The following UNC5D variants were observed in gnomAD, a reference collection of about 807,000 sequenced individuals.
The protein encoded by UNC5D is netrin receptor UNC5D.
Under a neutral mutation model 105.4 loss-of-function variants are expected in UNC5D, and 39 were observed. The observed-to-expected ratio is 0.37, with a 90% CI of 0.29 to 0.48. UNC5D has a LOEUF of 0.48. UNC5D is among the 20% of genes least tolerant of loss of function. The pLI is 0.98. For missense variants in UNC5D, 991 were observed against 1,202.4 expected, an observed-to-expected ratio of 0.82 and a Z score of 2.60; for synonymous variants, 452 against 450.4, an observed-to-expected ratio of 1.00 and a Z score of -0.04.
At chr8:35,356,351 G>A (rs1424101623) in intron 1 of UNC5D, among the ~76,000 whole-genome samples, 1 of 151,994 alleles carries the variant, frequency 6.6e-6, no homozygotes, top group African/African-American at 2.4e-5. Context: ...ATCTTTTGGG[G>A]ATACATTCTA....
intron 4 of UNC5D, among the ~76,000 whole-genome samples, chr8:35,606,949 C>T (rs1335258192): frequency 6.6e-6 from 1 of 152,122 alleles, no homozygotes; most frequent in African/African-American, 2.4e-5. Context: ...CCCATCTGTT[C>T]AGTTATTTAG....
intron 1 of UNC5D, among the ~76,000 whole-genome samples, chr8:35,367,468 T>C (rs776418454): frequency 1.3e-5 from 2 of 152,182 alleles, no homozygotes; most frequent in Non-Finnish European, 2.9e-5. Flanking sequence ...TGAATCATGT[T>C]GGGGACTAGT....
intron 3 of UNC5D, among the ~76,000 whole-genome samples, chr8:35,595,105 C>G (rs936772890): frequency 6.6e-6 from 1 of 152,134 alleles, no homozygotes; most frequent in African/African-American, 2.4e-5. Context: ...CTAGAGCCCC[C>G]TAGAGGGTTA....
chr8:35,476,335 A>G (rs550549359), intron 1 of UNC5D, among the ~76,000 whole-genome samples: 22 of 152,334 alleles, frequency 1.4e-4, no homozygotes, highest in African/African-American at 5.3e-4. Context: ...GAGGTCAACT[A>G]GACACTTCCC....
chr8:35,375,192 AAGGTGAAGAAAGAAAGCTTTATGAGT>A (rs1802630430), intron 1 of UNC5D, among the ~76,000 whole-genome samples: 1 of 152,184 alleles, frequency 6.6e-6, no homozygotes, highest in African/African-American at 2.4e-5. Context: ...GTTGCGTTGA[AAGGTGAAGAAAGAAAGCTTTATGAGT>A]TTTCTCTCTG....
At chr8:35,278,773 A>G (rs1266254504) in intron 1 of UNC5D, among the ~76,000 whole-genome samples, 8 of 152,104 alleles carry the variant, frequency 5.3e-5, no homozygotes, top group Admixed American at 5.2e-4. Flanking sequence ...TCCAGAACCC[A>G]GTACAGCATT....
chr8:35,450,334 G>A (rs1808061491), intron 1 of UNC5D, among the ~76,000 whole-genome samples: 1 of 152,084 alleles, frequency 6.6e-6, no homozygotes, highest in Non-Finnish European at 1.5e-5. Flanking sequence ...TATCAATACG[G>A]AGAATAATCC....
chr8:35,432,611 T>C (rs1806718669), intron 1 of UNC5D, among the ~76,000 whole-genome samples: 2 of 152,178 alleles, frequency 1.3e-5, no homozygotes, highest in Non-Finnish European at 2.9e-5. Context: ...ATGCAACTAA[T>C]GTTTTATGCT....
At chr8:35,670,755 T>C (rs1824736075) in intron 4 of UNC5D, among the ~76,000 whole-genome samples, 1 of 151,194 alleles carries the variant, frequency 6.6e-6, no homozygotes, top group Admixed American at 6.6e-5. Context: ...AAATACCTAA[T>C]GCATGTGGGC....
intron 8 of UNC5D, among the ~76,000 whole-genome samples, chr8:35,717,936 C>T (rs1331184347): frequency 6.6e-6 from 1 of 152,206 alleles, no homozygotes; most frequent in Non-Finnish European, 1.5e-5. Flanking sequence ...CATTTCCTCT[C>T]CAGGGTCCTA....
At chr8:35,330,373 TC>T (rs1298252694) in intron 1 of UNC5D, among the ~76,000 whole-genome samples, 27 of 152,202 alleles carry the variant, frequency 1.8e-4, no homozygotes, top group African/African-American at 6.5e-4. Context: ...CTTTCCAGAC[TC>T]CATTTTCTTC....
chr8:35,457,387 A>G (rs1177492174), intron 1 of UNC5D, among the ~76,000 whole-genome samples: 13 of 152,114 alleles, frequency 8.5e-5, no homozygotes, highest in Admixed American at 8.5e-4. Flanking sequence ...CTCCATCTCA[A>G]CAGAATGACA....
At chr8:35,326,128 T>C (rs1040674838) in intron 1 of UNC5D, among the ~76,000 whole-genome samples, 1 of 152,240 alleles carries the variant, frequency 6.6e-6, no homozygotes, top group Non-Finnish European at 1.5e-5. Flanking sequence ...ATTAGCTTTT[T>C]GTATGGGGAA....
chr8:35,755,853 A>G (rs1162435410), intron 13 of UNC5D, among the ~76,000 whole-genome samples: 1 of 152,162 alleles, frequency 6.6e-6, no homozygotes, highest in Non-Finnish European at 1.5e-5. Context: ...AGACTGGAAA[A>G]ATCAAATTAC....
At chr8:35,527,867 T>A (rs1187318136) in intron 1 of UNC5D, among the ~76,000 whole-genome samples, 1 of 152,028 alleles carries the variant, frequency 6.6e-6, no homozygotes, top group Non-Finnish European at 1.5e-5. Context: ...GTCCTGTTCA[T>A]ATGGTCACTA....
intron 1 of UNC5D, chr8:35,525,469 G>A (rs1175442223): frequency 3.1e-6 from 5 of 1,612,140 alleles, no homozygotes; most frequent in Non-Finnish European, 4.2e-6. Context: ...GCCTGGCTCA[G>A]CTTCTCCTCC....
At position 35,684,348 on chromosome 8, in the gene UNC5D, T is replaced by C. The variant is rs1586427484; in HGVS notation, c.752-234T>C. Reference sequence around the variant, plus strand: ...ATTGATGAGTTCTTTCTATTTCTTATAATTTCCTTGCAAGGCAAATTCTGT... The same window carrying C: ...ATTGATGAGTTCTTTCTATTTCTTACAATTTCCTTGCAAGGCAAATTCTGT... On this transcript the variant is annotated intron_variant, in intron 5 of 16. Coordinates refer to ENST00000404895, the MANE Select transcript of UNC5D (RefSeq NM_080872.4). Among the ~76,000 whole-genome samples the C allele has an allele frequency of 2.0e-5, 3 of 152,226 alleles. No homozygotes were observed. In the East Asian group the frequency reaches 5.8e-4, roughly 29 times the overall value.
chr8:35,756,185 AC>A (rs1370658583), intron 13 of UNC5D, among the ~76,000 whole-genome samples: 2 of 152,208 alleles, frequency 1.3e-5, no homozygotes, highest in Non-Finnish European at 2.9e-5. Context: ...TTATAGAATA[AC>A]TGTAATTGCT....
intron 1 of UNC5D, among the ~76,000 whole-genome samples, chr8:35,251,292 C>T (rs1034493391): frequency 4.6e-5 from 7 of 152,112 alleles, no homozygotes; most frequent in African/African-American, 1.7e-4. Context: ...TCCTAATTCA[C>T]ATGGTGGCAG....
Sources: gnomAD v4.1 joint callset for allele counts (sites outside exome capture counted in the v4.1 genomes callset) on GRCh38, gnomAD v4.1.1 for gene constraint, MANE v1.5 for transcripts, NCBI Gene and HGNC (gene_info 2026-07-23, HGNC 2026-07-21) for gene names.